PTPRM: variants seen among roughly 807,000 people sequenced by gnomAD.
PTPRM encodes the protein receptor-type tyrosine-protein phosphatase mu.
A neutral mutation model predicts 186.7 loss-of-function variants in PTPRM; 47 were observed. The observed-to-expected ratio is 0.25, with a 90% CI of 0.20 to 0.32. The LOEUF (loss-of-function observed/expected upper bound fraction) is 0.32, where lower values mean the gene tolerates loss of function less well. PTPRM is among the 10% of genes least tolerant of loss of function. PTPRM has a pLI of 1.00. For synonymous variants in PTPRM, 668 were observed against 674.9 expected (o/e 0.99, Z 0.16); for missense variants, 1,494 against 1,865.0 (o/e 0.80, Z 3.66).
At chr18:8,158,867 AACTC>A (rs1435332847) in intron 14 of PTPRM, among the ~76,000 whole-genome samples, 1 of 152,098 alleles carries the variant, frequency 6.6e-6, no homozygotes, top group Non-Finnish European at 1.5e-5. Context: ...ACTGAGTAGG[AACTC>A]ACTCACCACC....
chr18:7,921,015 G>T (rs2146729075), intron 4 of PTPRM, among the ~76,000 whole-genome samples: 1 of 152,090 alleles, frequency 6.6e-6, no homozygotes, highest in South Asian at 2.1e-4. Flanking sequence ...CTACTTTTAG[G>T]ATACTCTCTT....
intron 19 of PTPRM, among the ~76,000 whole-genome samples, chr18:8,288,703 A>T (rs952585218): frequency 6.6e-6 from 1 of 152,120 alleles, no homozygotes; most frequent in South Asian, 2.1e-4. Flanking sequence ...CACTTGATCA[A>T]TGGTTCTCAA....
At chr18:8,207,621 G>A (rs1441340304) in intron 14 of PTPRM, among the ~76,000 whole-genome samples, 1 of 152,192 alleles carries the variant, frequency 6.6e-6, no homozygotes, top group Non-Finnish European at 1.5e-5. Context: ...AGACTGGATA[G>A]GAATACTCTG....
chr18:8,397,573 C>G (rs1381759628), intron 32 of PTPRM, among the ~76,000 whole-genome samples: 1 of 152,032 alleles, frequency 6.6e-6, no homozygotes, highest in Non-Finnish European at 1.5e-5. Context: ...CTTTTTCAGC[C>G]CGCTTCTAAG....
intron 14 of PTPRM, among the ~76,000 whole-genome samples, chr18:8,168,204 G>C (rs551674817): frequency 5.3e-5 from 8 of 152,226 alleles, no homozygotes; most frequent in Admixed American, 1.3e-4. Flanking sequence ...GTTCCTGAAA[G>C]TTGTTAAGTA....
chr18:8,317,444 G>C (rs2095316865), intron 21 of PTPRM, among the ~76,000 whole-genome samples: 1 of 152,076 alleles, frequency 6.6e-6, no homozygotes, highest in African/African-American at 2.4e-5. Context: ...CAGGCAGTGG[G>C]TATGCATCAA....
At chr18:7,882,778 G>A (rs909895268) in intron 2 of PTPRM, among the ~76,000 whole-genome samples, 1 of 152,172 alleles carries the variant, frequency 6.6e-6, no homozygotes, top group Non-Finnish European at 1.5e-5. Context: ...AATTCATGTA[G>A]TTTTCTCAGC....
chr18:7,574,220 G>GT (rs1420741091), intron 1 of PTPRM, among the ~76,000 whole-genome samples: 1 of 152,164 alleles, frequency 6.6e-6, no homozygotes, highest in Non-Finnish European at 1.5e-5. Flanking sequence ...TGATGTGATC[G>GT]TGTTGTCTCT....
chr18:8,101,399 G>A (rs1046526928), intron 11 of PTPRM, among the ~76,000 whole-genome samples: 7 of 152,156 alleles, frequency 4.6e-5, no homozygotes, highest in African/African-American at 1.7e-4. Flanking sequence ...AGATAACATG[G>A]TAGCCCCTTT....
chr18:8,359,272 A>C (rs72906446), intron 23 of PTPRM, among the ~76,000 whole-genome samples: 3,851 of 152,358 alleles, frequency 0.025, 70 homozygotes, highest in South Asian at 0.071. Flanking sequence ...GGTCTGAATA[A>C]CAAGTGCTGC....
chr18:7,645,426 A>G (rs1346205969), intron 1 of PTPRM, among the ~76,000 whole-genome samples: 1 of 152,354 alleles, frequency 6.6e-6, no homozygotes, highest in South Asian at 2.1e-4. Context: ...TCAAAATGGT[A>G]AAGCTTTAGT....
At chr18:7,970,697 C>A (rs1210508029) in intron 7 of PTPRM, among the ~76,000 whole-genome samples, 1 of 66,332 alleles carries the variant, frequency 1.5e-5, no homozygotes, top group Non-Finnish European at 2.7e-5. Flanking sequence ...CATGAGTGAA[C>A]TCCCATTCAC....
chr18:7,939,415 A>G (rs1302628079), intron 5 of PTPRM, among the ~76,000 whole-genome samples: 1 of 152,206 alleles, frequency 6.6e-6, no homozygotes, highest in Non-Finnish European at 1.5e-5. Context: ...TTTCTGAAAG[A>G]CTTAATATGT....
At chr18:7,621,981 C>T (rs1598551065) in intron 1 of PTPRM, among the ~76,000 whole-genome samples, 1 of 152,228 alleles carries the variant, frequency 6.6e-6, no homozygotes, top group East Asian at 1.9e-4. Flanking sequence ...GGATAACTAT[C>T]AAGAACTGTG....
chr18:8,398,393 C>T lies in PTPRM; in HGVS notation c.4344+3782C>T, dbSNP rs1410269456. Among the ~76,000 whole-genome samples, 3 of 152,176 alleles carry T rather than the reference C, an allele frequency of 2.0e-5. No individual in the cohort carries two copies. In the South Asian group the frequency reaches 6.2e-4, roughly 31 times the overall value. On this transcript the variant is annotated intron_variant, in intron 32 of 32. Transcript: ENST00000580170. ...GAGAAGTAGAAGATACAGTCTCTCC[C>T]ACATGGAGCTTAGAACTCACTGGAG...
At chr18:8,088,065 CTT>C (rs1364260972) in intron 10 of PTPRM, among the ~76,000 whole-genome samples, 1 of 152,184 alleles carries the variant, frequency 6.6e-6, no homozygotes, top group Non-Finnish European at 1.5e-5. Context: ...TCTGTTCTCT[CTT>C]TGAATTACGA....
At chr18:8,283,459 C>G (rs2094925396) in intron 19 of PTPRM, among the ~76,000 whole-genome samples, 1 of 152,138 alleles carries the variant, frequency 6.6e-6, no homozygotes, top group Admixed American at 6.5e-5. Context: ...GCTGGGGTCT[C>G]TTTTCATGAG....
At chr18:7,968,001 T>C (rs1442859253) in intron 7 of PTPRM, among the ~76,000 whole-genome samples, 5 of 99,344 alleles carry the variant, frequency 5.0e-5, no homozygotes, top group Non-Finnish European at 9.7e-5. Flanking sequence ...AGACACATAA[T>C]TGTCAGATTC....
intron 7 of PTPRM, among the ~76,000 whole-genome samples, chr18:7,963,656 G>T (rs79898193): frequency 2.6e-3 from 397 of 152,286 alleles, no homozygotes; most frequent in African/African-American, 9.0e-3. Context: ...TTGCAGTCGG[G>T]GGCCTGTGGC....
Sources: gnomAD v4.1 joint callset for allele counts (sites outside exome capture counted in the v4.1 genomes callset) on GRCh38, gnomAD v4.1.1 for gene constraint, MANE v1.5 for transcripts, NCBI Gene and HGNC (gene_info 2026-07-23, HGNC 2026-07-21) for gene names.